MTF1: variants seen among roughly 807,000 people sequenced by gnomAD.
MTF1 encodes the protein metal regulatory transcription factor 1, also known as MRE-binding transcription factor.
In MTF1, 22 loss-of-function variants were observed where a neutral mutation model predicts 70.4. The observed-to-expected ratio is 0.31, with a 90% CI of 0.22 to 0.45. The LOEUF is 0.45. Among genes scored for constraint, MTF1 ranks in the 20% least tolerant of loss-of-function variants. The pLI, the probability that MTF1 is intolerant of heterozygous loss-of-function variation, is 1.00. For missense variants in MTF1, 649 were observed against 922.0 expected (o/e 0.70, Z 3.83); for synonymous variants, 333 against 352.8 (o/e 0.94, Z 0.63).
At chr1:37,841,984 A>C (rs1258084193) in intron 2 of MTF1, among the ~76,000 whole-genome samples, 2 of 152,138 alleles carry the variant, frequency 1.3e-5, no homozygotes, top group Non-Finnish European at 2.9e-5. Context: ...ACAGTGAGCT[A>C]TGATTGCTAC....
chr1:37,840,154 T>C lies in MTF1; in HGVS notation c.413A>G (p.Lys138Arg). Residue 138 changes from lysine to arginine, a missense_variant, in exon 3 of 11, where the codon AAG becomes AGG. Lys to Arg is a conservative substitution (Grantham distance 26). Coordinates refer to ENST00000373036, the MANE Select transcript of MTF1 (RefSeq NM_005955.3). This position sits in a 1 kb window ranked among gnomAD's most constrained non-coding sequence, Gnocchi z 4.5. ...ECPETKRKEV[K>R]RYQCTFEGCP... ...GCCCTCAAAGGTACATTGGTACCGC[T>C]TTACCTGGCAGAGAAAAGATACCTC... The C allele has an allele frequency of 1.9e-6, 3 of 1,613,966 alleles. No individual in the cohort carries two copies. Among genetic ancestry groups the C allele is most frequent in the Non-Finnish European group, 1.7e-6 (2 of 1,179,966 alleles).
intron 3 of MTF1, 124 bp downstream of exon 3, chr1:37,839,793 AGTT>A: frequency 1.4e-6 from 1 of 727,066 alleles, no homozygotes; most frequent in Non-Finnish European, 2.3e-6. Flanking sequence ...AATTTTACGT[AGTT>A]GAACACAGCT....
At chr1:37,847,631 G>A (rs1047549433) in intron 2 of MTF1, among the ~76,000 whole-genome samples, 15 of 152,164 alleles carry the variant, frequency 9.9e-5, no homozygotes, top group Non-Finnish European at 2.1e-4. Flanking sequence ...ATAAGAGAGA[G>A]GAGTGGCAAG....
At chr1:37,819,291 C>T (rs1478855902) in intron 9 of MTF1, among the ~76,000 whole-genome samples, 1 of 152,164 alleles carries the variant, frequency 6.6e-6, no homozygotes, top group Non-Finnish European at 1.5e-5. Flanking sequence ...AGATGATGCA[C>T]GTAGGACACT....
intron 9 of MTF1, among the ~76,000 whole-genome samples, chr1:37,820,288 T>C (rs989185841): frequency 3.9e-5 from 6 of 152,210 alleles, no homozygotes; most frequent in African/African-American, 1.4e-4. Flanking sequence ...TACATCCTTT[T>C]CTCCATCTAA....
chr1:37,818,442 C>A (rs1401759131), intron 9 of MTF1, among the ~76,000 whole-genome samples: 1 of 152,340 alleles, frequency 6.6e-6, no homozygotes, highest in South Asian at 2.1e-4. Flanking sequence ...CAGTGGCTCA[C>A]GCCTGTAATC....
In MTF1 at chr1:37,822,498, G is replaced by A. The variant is rs574050534; in HGVS notation, c.1390C>T (p.Leu464Phe). 1.2e-5 allele frequency: 20 copies of A among 1,614,154 alleles called. 1 individual carries two copies. In the South Asian group the frequency reaches 2.2e-4, roughly 18 times the overall value. Residue 464 changes from leucine (L) to phenylalanine (F), a missense_variant, in exon 9 of 11, where the codon CTC (leucine) becomes TTC (phenylalanine). By Grantham distance (22) the Leu-to-Phe change is conservative. This residue lies in a region of MTF1 where 267 missense variants were observed against 292.1 expected (regional missense o/e 0.91). Coordinates refer to ENST00000373036, the MANE Select transcript of MTF1 (RefSeq NM_005955.3). ...QQAAFGNPPA[L>F]LQPPEVPVPH... ...ACAGGCACTTCTGGAGGTTGTAAGA[G>A]AGCAGGGGGGTTGCCAAATGCAGCT...
chr1:37,828,950 G>A (rs968620237), intron 7 of MTF1, among the ~76,000 whole-genome samples: 2 of 152,094 alleles, frequency 1.3e-5, no homozygotes, highest in Non-Finnish European at 2.9e-5. Flanking sequence ...CAGCCAAAAG[G>A]CTTCGAGAAG....
At chr1:37,827,073 G>A (rs534772660) in intron 7 of MTF1, among the ~76,000 whole-genome samples, 4 of 152,196 alleles carry the variant, frequency 2.6e-5, no homozygotes, top group Admixed American at 2.6e-4. Flanking sequence ...GTGACACAAA[G>A]TAAGAAATAC....
chr1:37,820,087 G>T (rs888303271), intron 9 of MTF1, among the ~76,000 whole-genome samples: 1 of 151,880 alleles, frequency 6.6e-6, no homozygotes, highest in African/African-American at 2.4e-5. Context: ...ACATGGAGGC[G>T]GGCTGGGTCA....
At chr1:37,837,164 A>G (rs3898795) in intron 4 of MTF1, among the ~76,000 whole-genome samples, 90,445 of 151,934 alleles carry the variant, frequency 0.6, 28,784 homozygotes, top group Non-Finnish European at 0.71. Context: ...AGGCTCAAGC[A>G]ATCTTCCCAC....
At chr1:37,835,345 T>C in intron 5 of MTF1, 130 bp from the exon 6 acceptor site, 3 of 753,080 alleles carry the variant, frequency 4.0e-6, no homozygotes, top group Non-Finnish European at 6.7e-6. Flanking sequence ...AAAAGTTCAA[T>C]AAATTACACA....
In MTF1 at chr1:37,815,192, C is replaced by T. The variant is rs746795972; in HGVS notation, c.2206G>A (p.Glu736Lys). Residue 736 changes from glutamate to lysine, a missense_variant, in exon 11 of 11, where the codon GAA becomes AAA. Physicochemically the swap from Glu to Lys is moderately conservative, Grantham distance 56. Coordinates refer to ENST00000373036, the MANE Select transcript of MTF1 (RefSeq NM_005955.3). This position sits in a 1 kb window ranked among gnomAD's most constrained non-coding sequence, Gnocchi z 4.5. ...TCCTCCTCCCCCTGCAGTAGTGCTT[C>T]AATGGGAATCAGATTGGACGGGGTG... ...LDTPSNLIPI[E>K]ALLQGEEEMG... The T allele has an allele frequency of 1.8e-5, 29 of 1,614,148 alleles. No homozygotes were observed. The Middle Eastern group carries it at 4.9e-4, about 28-fold the overall frequency.
intron 7 of MTF1, among the ~76,000 whole-genome samples, chr1:37,824,524 C>T (rs1640971473): frequency 6.6e-6 from 1 of 152,088 alleles, no homozygotes; most frequent in South Asian, 2.1e-4. Context: ...ATGGTAAAAC[C>T]CCGTTTCTAC....
intron 9 of MTF1, among the ~76,000 whole-genome samples, chr1:37,820,380 C>T (rs1323193217): frequency 6.6e-6 from 1 of 152,224 alleles, no homozygotes; most frequent in Non-Finnish European, 1.5e-5. Flanking sequence ...AACGCAGTGG[C>T]CAAGAGCCAC....
At chr1:37,828,422 A>G (rs1158834077) in intron 7 of MTF1, among the ~76,000 whole-genome samples, 1 of 152,186 alleles carries the variant, frequency 6.6e-6, no homozygotes. Context: ...CTCCTGCCTC[A>G]GCTTCCCGAG....
In MTF1 at chr1:37,811,528, C is replaced by T. The variant is rs993589851; in HGVS notation, c.*3608G>A. 1.3e-5 allele frequency: 2 copies of T among 152,488 alleles called. No individual in the cohort carries two copies. Among genetic ancestry groups the T allele is most frequent in the African/African-American group, 2.4e-5 (1 of 41,432 alleles). The allele number at this position is 152,488 out of a possible 1,614,324, so 9.4% of individuals were successfully genotyped here. Reference sequence around the variant, plus strand: ...TACACACAAAAGAAATTGCAGCAATCGGGTTAAAGATAAAATAACCTAAAG... The same window carrying T: ...TACACACAAAAGAAATTGCAGCAATTGGGTTAAAGATAAAATAACCTAAAG... On this transcript the variant is annotated 3_prime_UTR_variant, in exon 11 of 11. Transcript: ENST00000373036.
intron 6 of MTF1, among the ~76,000 whole-genome samples, chr1:37,832,570 G>A (rs192152655): frequency 9.9e-5 from 15 of 152,144 alleles, no homozygotes; most frequent in East Asian, 3.9e-4. Flanking sequence ...CTATGCTGGC[G>A]CGCTGCACCC....
intron 7 of MTF1, among the ~76,000 whole-genome samples, chr1:37,830,083 T>G (rs1641064544): frequency 6.6e-6 from 1 of 152,188 alleles, no homozygotes; most frequent in Non-Finnish European, 1.5e-5. Context: ...GAGAATAGAC[T>G]CCTAAGCTAT....
Sources: gnomAD v4.1 joint callset for allele counts (sites outside exome capture counted in the v4.1 genomes callset) on GRCh38, gnomAD v4.1.1 for gene constraint, gnomAD v4.1.1 regional missense constraint, Gnocchi (gnomAD v3.1) non-coding constraint, MANE v1.5 for transcripts, NCBI Gene and HGNC (gene_info 2026-07-23, HGNC 2026-07-21) for gene names.